The following RNF111 variants were observed in gnomAD, a reference collection of about 807,000 sequenced individuals.
The protein encoded by RNF111 is ring finger protein 111.
A neutral mutation model predicts 95.1 loss-of-function variants in RNF111; 17 were observed. The observed-to-expected ratio is 0.18, with a 90% CI of 0.12 to 0.27. The LOEUF (loss-of-function observed/expected upper bound fraction) is 0.27. Among genes scored for constraint, RNF111 ranks in the 10% least tolerant of loss-of-function variants. The pLI is 1.00. For synonymous variants in RNF111, 440 were observed against 414.8 expected (o/e 1.06, Z -0.74); for missense variants, 1,189 against 1,210.4 (o/e 0.98, Z 0.26).
At chr15:59,002,018 A>G (rs2141451351) in intron 1 of RNF111, among the ~76,000 whole-genome samples, 1 of 152,340 alleles carries the variant, frequency 6.6e-6, no homozygotes, top group South Asian at 2.1e-4. Flanking sequence ...ACGGAAAATG[A>G]TGATAAAATG....
intron 1 of RNF111, among the ~76,000 whole-genome samples, chr15:59,015,142 G>GA (rs2040007748): frequency 2.0e-5 from 3 of 151,992 alleles, no homozygotes; most frequent in Non-Finnish European, 2.9e-5. Flanking sequence ...GACCAAAGTC[G>GA]AATTTTTTAA....
intron 2 of RNF111, among the ~76,000 whole-genome samples, chr15:59,036,635 A>G (rs1031468566): frequency 1.3e-5 from 2 of 152,170 alleles, no homozygotes; most frequent in African/African-American, 2.4e-5. Flanking sequence ...CATTATTACA[A>G]TTCAAGGTGA....
At chr15:59,082,686 A>G (rs2078780908) in intron 8 of RNF111, among the ~76,000 whole-genome samples, 1 of 152,176 alleles carries the variant, frequency 6.6e-6, no homozygotes, top group Admixed American at 6.5e-5. Flanking sequence ...AGTAGTTACA[A>G]CAGAGAACAT....
At chr15:59,079,655 CT>C (rs36057944) in intron 7 of RNF111, among the ~76,000 whole-genome samples, 43,247 of 145,520 alleles carry the variant, frequency 0.3, 6,198 homozygotes, top group Middle Eastern at 0.43. Flanking sequence ...CTAAGACAAA[CT>C]TTTTTTTTTT....
chr15:59,060,046 G>A (rs2042367777), intron 5 of RNF111, among the ~76,000 whole-genome samples: 1 of 152,182 alleles, frequency 6.6e-6, no homozygotes, highest in Non-Finnish European at 1.5e-5. Context: ...TTCTCAAGGA[G>A]ATTTCCCAGG....
intron 6 of RNF111, among the ~76,000 whole-genome samples, chr15:59,067,739 T>A (rs1214839305): frequency 6.6e-6 from 1 of 152,188 alleles, no homozygotes; most frequent in East Asian, 1.9e-4. Flanking sequence ...TTAAACAAAT[T>A]GTTGAAACTC....
chr15:59,045,228 C>A (rs552903745), intron 2 of RNF111, among the ~76,000 whole-genome samples: 1 of 139,524 alleles, frequency 7.2e-6, no homozygotes, highest in South Asian at 2.2e-4. Flanking sequence ...TTGTTCTTGT[C>A]ACCCAGGCCT....
At chr15:58,991,841 C>A (rs1362220217) in intron 1 of RNF111, among the ~76,000 whole-genome samples, 1 of 151,908 alleles carries the variant, frequency 6.6e-6, no homozygotes, top group East Asian at 1.9e-4. Context: ...TTGTTTAAAC[C>A]CTGACTCAAA....
Position 59,097,221 on chromosome 15 carries a change from C to T in RNF111, c.*2321C>T, listed in dbSNP as rs1348883523. ...GCTGCATCTTATATGTCAAAATGAACATTTCAGTGGTAGCTGTCCAAATAC... is the reference window on the plus strand; with the variant it reads ...GCTGCATCTTATATGTCAAAATGAATATTTCAGTGGTAGCTGTCCAAATAC... On this transcript the variant is annotated 3_prime_UTR_variant, in exon 14 of 14. Coordinates refer to ENST00000348370, the MANE Select transcript of RNF111 (RefSeq NM_017610.8). 2 of 152,220 alleles carry T rather than the reference C, an allele frequency of 1.3e-5. No individual in the cohort carries two copies. Among genetic ancestry groups the T allele is most frequent in the African/African-American group, 4.8e-5 (2 of 41,446 alleles). The allele number at this position is 152,220 out of a possible 1,614,324, so 9.4% of individuals were successfully genotyped here. A position where few individuals can be genotyped will look rare whatever the true frequency, so the allele number is the denominator to read the frequency against.
intron 1 of RNF111, among the ~76,000 whole-genome samples, chr15:58,997,129 A>G (rs1303212662): frequency 6.6e-6 from 1 of 152,090 alleles, no homozygotes; most frequent in Non-Finnish European, 1.5e-5. Context: ...AAGTGTACCA[A>G]ATTTATAAGG....
Position 59,076,110 on chromosome 15 carries a change from T to G in RNF111, c.1843T>G (p.Leu615Val), listed in dbSNP as rs373978330. 6.2e-7 allele frequency: 1 copy of G among 1,614,170 alleles called. No individual in the cohort carries two copies. Among genetic ancestry groups the G allele is most frequent in the Admixed American group, 1.7e-5 (1 of 60,022 alleles). The change falls in exon 7 of 14, where the codon TTA becomes GTA. Residue 615 changes from leucine (L) to valine (V), a missense_variant. This residue lies in a region of RNF111 where 1,024 missense variants were observed against 925.9 expected (regional missense o/e 1.11). Coordinates refer to ENST00000348370, the MANE Select transcript of RNF111 (RefSeq NM_017610.8). ...CGCTGCTGCTGCCCCAAGTCAACCT[T>G]TATCATCAATAGATGGCTATGGATC... ...QAAAAAPSQP[L>V]SSIDGYGSSM...
chr15:59,089,837 A>G (rs1189288956), intron 11 of RNF111, 78 bp downstream of exon 11: 2 of 962,814 alleles, frequency 2.1e-6, no homozygotes, highest in African/African-American at 1.6e-5. Context: ...ACTATACACA[A>G]TTGTGTAGGA....
At chr15:59,054,550 A>G (rs1369047917) in intron 3 of RNF111, among the ~76,000 whole-genome samples, 1 of 152,154 alleles carries the variant, frequency 6.6e-6, no homozygotes, top group Non-Finnish European at 1.5e-5. Context: ...ATCCCAAGAC[A>G]TGGCTATCTT....
intron 4 of RNF111, among the ~76,000 whole-genome samples, chr15:59,057,941 G>T (rs1200248563): frequency 6.6e-6 from 1 of 152,170 alleles, no homozygotes; most frequent in Non-Finnish European, 1.5e-5. Context: ...TATCCAGGCA[G>T]TCTTACCCTA....
chr15:59,067,990 A>C (rs73416900), intron 6 of RNF111, among the ~76,000 whole-genome samples: 1 of 152,186 alleles, frequency 6.6e-6, no homozygotes, highest in Non-Finnish European at 1.5e-5. Context: ...CAAAATGTCA[A>C]CTAGTATTAA....
intron 6 of RNF111, among the ~76,000 whole-genome samples, chr15:59,068,920 C>G (rs1325485804): frequency 6.6e-6 from 1 of 151,716 alleles, no homozygotes; most frequent in South Asian, 2.1e-4. Context: ...ACTAAAAATA[C>G]AAAAATTAGT....
chr15:59,085,990 C>T (rs759935027), intron 10 of RNF111, among the ~76,000 whole-genome samples: 4 of 152,160 alleles, frequency 2.6e-5, no homozygotes, highest in Non-Finnish European at 2.9e-5. Context: ...TCTTAATGTA[C>T]GACATGACAA....
chr15:59,095,850 A>C lies in RNF111; in HGVS notation c.*950A>C, dbSNP rs1474511268. The stretch of plus-strand genomic sequence containing the variant: ...GTAGACACATTAAGTCAAGATTTGG[A>C]ATTTAAGTCACTGGCAGGTATCTGT... On this transcript the variant is annotated 3_prime_UTR_variant, in exon 14 of 14. Coordinates refer to ENST00000348370, the MANE Select transcript of RNF111 (RefSeq NM_017610.8). The C allele has an allele frequency of 2.5e-6, 1 of 395,742 alleles. No individual in the cohort carries two copies. The allele number at this position is 395,742 out of a possible 1,614,324, so 24.5% of individuals were successfully genotyped here. A position where few individuals can be genotyped will look rare whatever the true frequency, so the allele number is the denominator to read the frequency against.
At chr15:59,055,545 G>T in intron 3 of RNF111, 137 bp from the exon 4 acceptor site, 1 of 462,382 alleles carries the variant, frequency 2.2e-6, no homozygotes. Context: ...TGCCAGTCAT[G>T]ATTTTTAATT....
Sources: allele counts gnomAD v4.1 joint callset (sites outside exome capture counted in the v4.1 genomes callset), GRCh38; gene constraint gnomAD v4.1.1; regional missense constraint gnomAD v4.1.1; transcripts MANE v1.5; gene names NCBI Gene and HGNC (gene_info 2026-07-23, HGNC 2026-07-21).